The following LRRC28 variants were observed in gnomAD, a reference collection of about 807,000 sequenced individuals.
LRRC28 encodes leucine rich repeat containing 28.
LRRC28 carries 39 observed loss-of-function variants against 45.7 expected under a neutral mutation model. The ratio of observed to expected loss-of-function variants is 0.85; its 90% CI spans 0.66 to 1.12. The LOEUF is 1.12. LRRC28 is among the 50% of genes most tolerant of loss of function. The probability of loss-of-function intolerance (pLI) is 0.00; values close to 1 mark genes in which losing one functional copy is unlikely to be tolerated. For missense variants in LRRC28, 435 were observed against 438.5 expected (o/e 0.99, Z 0.07); for synonymous variants, 206 against 178.8 (o/e 1.15, Z -1.22).
chr15:99,258,685 T>A, intron 2 of LRRC28: 1 of 723,766 alleles, frequency 1.4e-6, no homozygotes, highest in East Asian at 2.8e-5. Context: ...AATACAAAGC[T>A]TTCTGCAAAT....
intron 5 of LRRC28, among the ~76,000 whole-genome samples, chr15:99,305,533 A>G (rs1955151667): frequency 6.6e-6 from 1 of 152,206 alleles, no homozygotes; most frequent in African/African-American, 2.4e-5. Context: ...ATAAGAAAAA[A>G]GTATTTCTGA....
chr15:99,293,435 A>G (rs2082177181), intron 5 of LRRC28, among the ~76,000 whole-genome samples: 2 of 151,650 alleles, frequency 1.3e-5, no homozygotes, highest in Admixed American at 6.6e-5. Context: ...CTCTACTAAA[A>G]ATACAAAATT....
At chr15:99,278,547 C>T (rs2081685494) in intron 3 of LRRC28, among the ~76,000 whole-genome samples, 1 of 152,198 alleles carries the variant, frequency 6.6e-6, no homozygotes, top group Non-Finnish European at 1.5e-5. Flanking sequence ...CACCTGGTCC[C>T]TTGTCTTCTT....
chr15:99,287,683 T>C, intron 4 of LRRC28, 131 bp from the exon 5 acceptor site: 1 of 945,182 alleles, frequency 1.1e-6, no homozygotes, highest in Non-Finnish European at 1.5e-6. Flanking sequence ...TGATCTGTGT[T>C]TTTACTATTT....
intron 5 of LRRC28, among the ~76,000 whole-genome samples, chr15:99,332,627 C>G (rs1000991959): frequency 6.6e-5 from 10 of 152,252 alleles, no homozygotes; most frequent in Admixed American, 5.2e-4. Flanking sequence ...GTTTACCATC[C>G]TTTAAAAATG....
chr15:99,253,246 G>A (rs569658532), intron 1 of LRRC28, among the ~76,000 whole-genome samples: 1 of 152,010 alleles, frequency 6.6e-6, no homozygotes, highest in East Asian at 1.9e-4. Flanking sequence ...TCAGTCTCCC[G>A]AGTAGCTGGG....
At position 99,388,661 on chromosome 15, in the gene LRRC28, A is replaced by G. The variant is rs1958100185; in HGVS notation, c.*2559A>G. On this transcript the variant is annotated 3_prime_UTR_variant, in exon 10 of 10. Transcript: ENST00000301981. Reference sequence around the variant, plus strand: ...CATGCTATATATTTGAATTGTGTCCAAAGCTTTGCAGAAAAGCAAATCTGA... The same window carrying G: ...CATGCTATATATTTGAATTGTGTCCGAAGCTTTGCAGAAAAGCAAATCTGA... 1 of 152,274 alleles carries G rather than the reference A, an allele frequency of 6.6e-6. No homozygotes were observed. The highest frequency in any genetic ancestry group is 6.5e-5 in the Admixed American group (1 of 15,286). The allele number at this position is 152,274 out of a possible 1,614,324, so 9.4% of individuals were successfully genotyped here. A position where few individuals can be genotyped will look rare whatever the true frequency, so the allele number is the denominator to read the frequency against.
chr15:99,273,402 A>G (rs1465327147), intron 2 of LRRC28, among the ~76,000 whole-genome samples: 1 of 151,966 alleles, frequency 6.6e-6, no homozygotes. Flanking sequence ...ACGCCCGGCT[A>G]ATTTTTTGTA....
chr15:99,258,458 A>T, intron 2 of LRRC28: 1 of 832,218 alleles, frequency 1.2e-6, no homozygotes, highest in Non-Finnish European at 2.1e-6. Context: ...TTTCCTATTT[A>T]TGTATGGAGC....
rs1958010147 is a variant in LRRC28, at chr15:99,386,893, G to A, written c.*791G>A. On this transcript the variant is annotated 3_prime_UTR_variant, in exon 10 of 10. Transcript: ENST00000301981. ...GAATATTTGAAGCTTTACAAGATCT[G>A]ATTTTTTTCTTTCTCAATATAAAGT... 6.6e-6 allele frequency: 1 copy of A among 152,096 alleles called. No individual in the cohort carries two copies. The highest frequency in any genetic ancestry group is 1.5e-5 in the Non-Finnish European group (1 of 68,008). 9.4% of individuals were successfully genotyped at this position (152,096 alleles called of 1,614,324 possible).
chr15:99,300,367 AT>A (rs2082365897), intron 5 of LRRC28, among the ~76,000 whole-genome samples: 1 of 152,032 alleles, frequency 6.6e-6, no homozygotes, highest in Non-Finnish European at 1.5e-5. Context: ...ATAAATGCAT[AT>A]TTTTCTGAAG....
chr15:99,317,681 C>T (rs1164483923), intron 5 of LRRC28: 2 of 151,910 alleles, frequency 1.3e-5, no homozygotes, highest in Non-Finnish European at 1.5e-5. Flanking sequence ...TTTTGCTAAT[C>T]TGCCAGTTCA....
At chr15:99,302,495 TCTC>T (rs1955019961) in intron 5 of LRRC28, among the ~76,000 whole-genome samples, 1 of 152,130 alleles carries the variant, frequency 6.6e-6, no homozygotes, top group Non-Finnish European at 1.5e-5. Context: ...TTCAAGCAAT[TCTC>T]CTGCCTCAGC....
chr15:99,305,012 G>C (rs1444595642), intron 5 of LRRC28, among the ~76,000 whole-genome samples: 4 of 152,112 alleles, frequency 2.6e-5, no homozygotes, highest in Non-Finnish European at 1.5e-5. Flanking sequence ...CCCCAATCTT[G>C]TGGACCTGCT....
chr15:99,299,081 G>T (rs1365606160), intron 5 of LRRC28, among the ~76,000 whole-genome samples: 1 of 152,164 alleles, frequency 6.6e-6, no homozygotes, highest in East Asian at 1.9e-4. Context: ...CATACCGTTT[G>T]CTATCTTGGC....
At chr15:99,314,962 A>G (rs2152270095) in intron 5 of LRRC28, among the ~76,000 whole-genome samples, 1 of 152,364 alleles carries the variant, frequency 6.6e-6, no homozygotes, top group East Asian at 1.9e-4. Flanking sequence ...TCTGAAAGCA[A>G]TAAGATGTAT....
rs550076102 is a variant in LRRC28 at position 99,257,172 on chromosome 15, C to G, written c.168+1047C>G. Reference sequence around the variant, plus strand: ...TGCTCTGTCTGGAAGTAAATAGATACGTATGTCTTGTTCTTTTGTGATTGG... The same window carrying G: ...TGCTCTGTCTGGAAGTAAATAGATAGGTATGTCTTGTTCTTTTGTGATTGG... On this transcript the variant is annotated intron_variant, in intron 2 of 9. Coordinates refer to ENST00000301981, the MANE Select transcript of LRRC28 (RefSeq NM_144598.5). Among the ~76,000 whole-genome samples the G allele has an allele frequency of 5.9e-5, 9 of 152,224 alleles. No homozygotes were observed. In the South Asian group the frequency reaches 1.9e-3, roughly 32 times the overall value.
chr15:99,346,384 T>C (rs982171628), intron 6 of LRRC28, among the ~76,000 whole-genome samples: 1 of 152,226 alleles, frequency 6.6e-6, no homozygotes, highest in Non-Finnish European at 1.5e-5. Flanking sequence ...CCCAAGCTGA[T>C]CTTAAACTTC....
intron 9 of LRRC28, chr15:99,384,540 T>A (rs1251018976): frequency 6.6e-6 from 1 of 152,248 alleles, no homozygotes; most frequent in Non-Finnish European, 1.5e-5. Context: ...TCTCTGTCCA[T>A]GCCTTGAGTT....
Sources: gnomAD v4.1 joint callset for allele counts (sites outside exome capture counted in the v4.1 genomes callset) on GRCh38, gnomAD v4.1.1 for gene constraint, MANE v1.5 for transcripts, NCBI Gene and HGNC (gene_info 2026-07-23, HGNC 2026-07-21) for gene names.